The following ASAP1 variants were observed in gnomAD, a reference collection of about 807,000 sequenced individuals.
ASAP1 encodes ArfGAP with SH3 domain, ankyrin repeat and PH domain 1.
ASAP1 carries 43 observed loss-of-function variants against 145.2 expected under a neutral mutation model. That is an observed-to-expected ratio of 0.30 (90% CI 0.23 to 0.38). The LOEUF (loss-of-function observed/expected upper bound fraction) is 0.38, where lower values mean the gene tolerates loss of function less well. Among genes scored for constraint, ASAP1 ranks in the 10% least tolerant of loss-of-function variants. ASAP1 has a pLI of 1.00. For synonymous variants in ASAP1, 546 were observed against 515.5 expected, an observed-to-expected ratio of 1.06 and a Z score of -0.80; for missense variants, 1,018 against 1,355.3, an observed-to-expected ratio of 0.75 and a Z score of 3.91.
intron 3 of ASAP1, among the ~76,000 whole-genome samples, chr8:130,267,148 A>C (rs1158023215): frequency 6.6e-6 from 1 of 151,496 alleles, no homozygotes; most frequent in Non-Finnish European, 1.5e-5. Context: ...ACAAAAAACA[A>C]AACAAAAAAA....
chr8:130,078,612 AGT>A (rs2097470343), intron 26 of ASAP1, among the ~76,000 whole-genome samples: 1 of 152,008 alleles, frequency 6.6e-6, no homozygotes, highest in Non-Finnish European at 1.5e-5. Flanking sequence ...GTGCTTTTGG[AGT>A]GTCAGATATT....
At chr8:130,241,304 T>C (rs1818513966) in intron 3 of ASAP1, among the ~76,000 whole-genome samples, 2 of 152,134 alleles carry the variant, frequency 1.3e-5, no homozygotes, top group Non-Finnish European at 2.9e-5. Context: ...ATGCACGTCA[T>C]GCCAGTTTTT....
At chr8:130,422,574 A>T (rs1829764506) in intron 1 of ASAP1, among the ~76,000 whole-genome samples, 1 of 152,122 alleles carries the variant, frequency 6.6e-6, no homozygotes, top group African/African-American at 2.4e-5. Context: ...TGTCCTTAGA[A>T]ATCTAATAAT....
At chr8:130,111,912 T>C (rs2097547538) in intron 24 of ASAP1, among the ~76,000 whole-genome samples, 182 bp downstream of exon 24, 1 of 152,192 alleles carries the variant, frequency 6.6e-6, no homozygotes, top group South Asian at 2.1e-4. Flanking sequence ...GCACTGCCTG[T>C]CCTGCTCTTG....
intron 12 of ASAP1, among the ~76,000 whole-genome samples, chr8:130,154,057 G>GT (rs1199597909): frequency 6.6e-6 from 1 of 152,082 alleles, no homozygotes; most frequent in East Asian, 1.9e-4. Flanking sequence ...AGTTAAGAAA[G>GT]TAACTCAAGA....
chr8:130,358,699 G>GC lies in ASAP1; in HGVS notation c.60-557dup, dbSNP rs1226963496. 0.028 allele frequency among the ~76,000 whole-genome samples: 414 copies of GC among 15,038 alleles called. No homozygotes were observed. The highest frequency in any genetic ancestry group is 0.043 in the Non-Finnish European group (285 of 6,606). The allele number at this position is 15,038 out of a possible 152,430, so 9.9% of individuals were successfully genotyped here. A position where few individuals can be genotyped will look rare whatever the true frequency, so the allele number is the denominator to read the frequency against. On this transcript the variant is annotated intron_variant, in intron 2 of 29. Transcript: ENST00000518721. This position sits in a 1 kb window ranked among gnomAD's most constrained non-coding sequence, Gnocchi z 4.1. ...GCGCACGCGCGCCGCCCCCAGCCCCGCCCCCCCGGTCCCTCCCCGCCCGCG... is the reference window on the plus strand; with the variant it reads ...GCGCACGCGCGCCGCCCCCAGCCCCGCCCCCCCCGGTCCCTCCCCGCCCGCG...
At chr8:130,410,921 C>T (rs868230252) in intron 1 of ASAP1, among the ~76,000 whole-genome samples, 2 of 152,164 alleles carry the variant, frequency 1.3e-5, no homozygotes, top group African/African-American at 4.8e-5. Flanking sequence ...AGTGCAGTGA[C>T]GTAATCTCCG....
At chr8:130,100,087 A>G (rs1023379874) in intron 24 of ASAP1, among the ~76,000 whole-genome samples, 1 of 152,170 alleles carries the variant, frequency 6.6e-6, no homozygotes. Context: ...AGAAACCTCC[A>G]TACTGTTTTT....
intron 24 of ASAP1, among the ~76,000 whole-genome samples, chr8:130,093,601 C>G: frequency 7.7e-6 from 1 of 130,042 alleles, no homozygotes; most frequent in Middle Eastern, 5.2e-3. Flanking sequence ...CAGGAAGTGG[C>G]GGTTGCAATG....
intron 5 of ASAP1, among the ~76,000 whole-genome samples, chr8:130,193,549 ATGT>A (rs1207748151): frequency 6.6e-6 from 1 of 152,206 alleles, no homozygotes; most frequent in Non-Finnish European, 1.5e-5. Context: ...AATATGTAAT[ATGT>A]TGTTTATTTA....
At chr8:130,415,646 G>C (rs559329676) in intron 1 of ASAP1, among the ~76,000 whole-genome samples, 2 of 152,108 alleles carry the variant, frequency 1.3e-5, no homozygotes, top group Admixed American at 6.5e-5. Flanking sequence ...AAATTAGCCG[G>C]GCATGGTGGC....
Position 130,092,086 on chromosome 8 carries a change from G to T in ASAP1, c.2459C>A (p.Ser820Tyr). 1.9e-6 allele frequency: 3 copies of T among 1,572,204 alleles called. No individual in the cohort carries two copies. Among genetic ancestry groups the T allele is most frequent in the Non-Finnish European group, 2.6e-6 (3 of 1,164,646 alleles). ...AGGAGGCCTCTTCTTGGATAGGGTG[G>T]AGCTGCCACTAGAGGTCTGGGTGCT... is the stretch of plus-strand genomic sequence containing the variant. ...PLSTQTSSGS[S>Y]TLSKKRPPPP... is the part of the protein sequence containing the mutation. Residue 820 changes from serine to tyrosine, a missense_variant, in exon 25 of 30, where the codon TCC (serine) becomes TAC (tyrosine). Physicochemically the swap from Ser to Tyr is moderately radical, Grantham distance 144. Around this residue, in one of 9 missense-constraint regions of ASAP1, gnomAD observed 353 missense variants for 375.4 expected, o/e 0.94. Coordinates refer to ENST00000518721, the MANE Select transcript of ASAP1 (RefSeq NM_018482.4).
intron 3 of ASAP1, among the ~76,000 whole-genome samples, chr8:130,279,004 G>C (rs1821094641): frequency 1.3e-5 from 2 of 152,182 alleles, no homozygotes; most frequent in South Asian, 4.1e-4. Flanking sequence ...AGATGAGGAA[G>C]CTGAAGTAGA....
intron 3 of ASAP1, among the ~76,000 whole-genome samples, chr8:130,260,636 A>T (rs1309192203): frequency 3.3e-5 from 5 of 152,024 alleles, no homozygotes; most frequent in Admixed American, 3.3e-4. Context: ...GACTGTGGGG[A>T]GCACTGGCCC....
chr8:130,247,960 C>T (rs184067401), intron 3 of ASAP1, among the ~76,000 whole-genome samples: 24 of 152,232 alleles, frequency 1.6e-4, no homozygotes, highest in African/African-American at 4.6e-4. Context: ...CACAACACCA[C>T]GTGGAGATGC....
intron 3 of ASAP1, among the ~76,000 whole-genome samples, chr8:130,281,908 T>C (rs1352287538): frequency 6.6e-6 from 1 of 151,874 alleles, no homozygotes; most frequent in Non-Finnish European, 1.5e-5. Flanking sequence ...CTACTAAAAA[T>C]ACAAAAAGTT....
chr8:130,133,580 C>G (rs62524642), intron 15 of ASAP1, among the ~76,000 whole-genome samples: 1 of 151,736 alleles, frequency 6.6e-6, no homozygotes. Context: ...GGCGTGAACC[C>G]GGGAAGCGGA....
intron 3 of ASAP1, among the ~76,000 whole-genome samples, chr8:130,239,154 T>C (rs1818380445): frequency 1.3e-5 from 2 of 152,124 alleles, no homozygotes; most frequent in Admixed American, 1.3e-4. Flanking sequence ...TCATCTCACA[T>C]ACCTGTCATG....
intron 3 of ASAP1, among the ~76,000 whole-genome samples, chr8:130,342,348 G>C (rs1444944649): frequency 6.6e-6 from 1 of 152,126 alleles, no homozygotes; most frequent in Non-Finnish European, 1.5e-5. Flanking sequence ...TTACTTTCCA[G>C]ATTTTCTCCT....
Sources: gnomAD v4.1 joint callset for allele counts (sites outside exome capture counted in the v4.1 genomes callset) on GRCh38, gnomAD v4.1.1 for gene constraint, gnomAD v4.1.1 regional missense constraint, Gnocchi (gnomAD v3.1) non-coding constraint, MANE v1.5 for transcripts, NCBI Gene and HGNC (gene_info 2026-07-23, HGNC 2026-07-21) for gene names.